The following TNRC6B variants were observed in gnomAD, a reference collection of about 807,000 sequenced individuals.
TNRC6B encodes the protein trinucleotide repeat-containing gene 6B protein.
In TNRC6B, 52 loss-of-function variants were observed where a neutral mutation model predicts 203.6. The observed-to-expected ratio is 0.26, with a 90% CI of 0.20 to 0.32. The LOEUF (loss-of-function observed/expected upper bound fraction) is 0.32, where lower values mean the gene tolerates loss of function less well. Ranked by LOEUF, TNRC6B falls within the 10% of genes least tolerant of loss-of-function variation. The pLI is 1.00. For synonymous variants in TNRC6B, 838 were observed against 845.7 expected (o/e 0.99, Z 0.16); for missense variants, 1,923 against 2,286.2 (o/e 0.84, Z 3.24).
At chr22:40,045,357 C>G (rs1355093099) in intron 1 of TNRC6B, 1 of 147,532 alleles carries the variant, frequency 6.8e-6, no homozygotes, top group Non-Finnish European at 1.5e-5. Context: ...GGCGCGCGCG[C>G]GGCTCCGGGC....
intron 1 of TNRC6B, among the ~76,000 whole-genome samples, chr22:40,244,424 C>G (rs1421207237): frequency 6.6e-6 from 1 of 151,602 alleles, no homozygotes; most frequent in African/African-American, 2.4e-5. Context: ...TGAATGCAGA[C>G]AAAGTCAGTG....
chr22:40,127,171 C>T (rs892589283), intron 3 of TNRC6B, among the ~76,000 whole-genome samples: 2 of 151,948 alleles, frequency 1.3e-5, no homozygotes, highest in Non-Finnish European at 2.9e-5. Context: ...TTTTACTTCC[C>T]TCTCTGTCCA....
chr22:40,073,288 G>GT (rs2058560371), intron 1 of TNRC6B, among the ~76,000 whole-genome samples: 1 of 151,720 alleles, frequency 6.6e-6, no homozygotes, highest in South Asian at 2.1e-4. Flanking sequence ...TATAGAACAC[G>GT]TTTTTTGTTA....
At chr22:40,259,289 A>T (rs2070337348) in intron 3 of TNRC6B, among the ~76,000 whole-genome samples, 1 of 151,810 alleles carries the variant, frequency 6.6e-6, no homozygotes, top group Non-Finnish European at 1.5e-5. Context: ...CAGTGGCACG[A>T]TCTCGGCTCA....
In TNRC6B at chr22:40,213,481, C is replaced by T. The variant is rs573065517; in HGVS notation, c.6-32534C>T. On this transcript the variant is annotated intron_variant, in intron 1 of 22. Transcript: ENST00000454349. ...GGCAGACCGAGGAGATGAGACTTGG[C>T]CCATCCAGTCACGGGAAGCCACTGA... is the stretch of plus-strand genomic sequence containing the variant. Among the ~76,000 whole-genome samples, 11 of 152,256 alleles carry T rather than the reference C, an allele frequency of 7.2e-5. No individual in the cohort carries two copies. In the East Asian group the frequency reaches 9.6e-4, roughly 13 times the overall value.
At position 40,264,708 on chromosome 22, in the gene TNRC6B, G is replaced by A; in HGVS notation, c.478G>A (p.Ala160Thr). Residue 160 changes from alanine to threonine, a missense_variant, in exon 5 of 23, where the codon GCT (alanine) becomes ACT (threonine). Physicochemically the swap from Ala to Thr is moderately conservative, Grantham distance 58 (BLOSUM62 0). Transcript: ENST00000454349. ...TAPDSTLGGA[A>T]ASNYANSTWG... is the part of the protein sequence containing the mutation. The stretch of plus-strand genomic sequence containing the variant: ...CCCAGACTCAACCCTTGGAGGTGCT[G>A]CTGCTTCAAATTATGCAAATTCCAC... 1 of 1,598,200 alleles carries A rather than the reference G, an allele frequency of 6.3e-7. No homozygotes were observed. The highest frequency in any genetic ancestry group is 8.5e-7 in the Non-Finnish European group (1 of 1,170,992).
At chr22:40,188,198 C>A (rs2069228471) in intron 1 of TNRC6B, among the ~76,000 whole-genome samples, 2 of 152,076 alleles carry the variant, frequency 1.3e-5, no homozygotes, top group South Asian at 4.1e-4. Flanking sequence ...GACAGAGCAA[C>A]ACTGTGTCTC....
chr22:40,067,501 C>T (rs2067905563), intron 1 of TNRC6B, among the ~76,000 whole-genome samples: 1 of 152,080 alleles, frequency 6.6e-6, no homozygotes, highest in African/African-American at 2.4e-5. Flanking sequence ...CGAGAAGTCC[C>T]ACAATAGCCC....
Position 40,082,338 on chromosome 22 carries a change from G to A in TNRC6B, c.-120-34717G>A, listed in dbSNP as rs560136288. The stretch of plus-strand genomic sequence containing the variant: ...TAAGTTTAGACTGGAAATTGAGAAG[G>A]AGCCAGCCAGAGGAGAGGGTGTTTC... On this transcript the variant is annotated intron_variant, in intron 1 of 23. Coordinates refer to the TNRC6B transcript ENST00000301923. Among the ~76,000 whole-genome samples the A allele has an allele frequency of 7.2e-5, 11 of 152,296 alleles. No individual in the cohort carries two copies. The South Asian group carries it at 2.1e-3, about 29-fold the overall frequency.
intron 10 of TNRC6B, 92 bp from the exon 11 acceptor site, chr22:40,281,027 T>C: frequency 9.0e-7 from 1 of 1,114,448 alleles, no homozygotes; most frequent in South Asian, 1.7e-5. Flanking sequence ...TAACTTTGTT[T>C]ATTGCTAGTG....
intron 1 of TNRC6B, among the ~76,000 whole-genome samples, chr22:40,194,585 G>A (rs2069313425): frequency 6.6e-6 from 1 of 152,202 alleles, no homozygotes; most frequent in Non-Finnish European, 1.5e-5. Context: ...ATTTCAGGTA[G>A]CAGTGTCCTT....
chr22:40,285,767 C>T lies in TNRC6B; in HGVS notation c.3705C>T (p.Pro1235=), dbSNP rs1482700662. 1.2e-6 allele frequency: 2 copies of T among 1,613,296 alleles called. No homozygotes were observed. Among genetic ancestry groups the T allele is most frequent in the Non-Finnish European group, 1.7e-6 (2 of 1,179,682 alleles). ...AAGTGCCTCCCCAGTTTATTTCCCC[C>T]CAGGTAAGCAATTTTACGTTCCTGT... The part of the protein sequence containing the change: ...RAQVPPQFIS[P]QVSASMLKQF... Residue 1235 remains proline, a synonymous_variant, in exon 12 of 23, where the codon CCC becomes CCT. Transcript: ENST00000454349.
At chr22:40,092,140 C>T (rs781257183) in intron 1 of TNRC6B, among the ~76,000 whole-genome samples, 76 of 152,144 alleles carry the variant, frequency 5.0e-4, no homozygotes, top group Middle Eastern at 3.2e-3. Context: ...TGTTGGCTCA[C>T]GCCTGTAATC....
At chr22:40,101,118 G>A (rs12106521) in intron 1 of TNRC6B, among the ~76,000 whole-genome samples, 32,045 of 151,668 alleles carry the variant, frequency 0.21, 3,569 homozygotes, top group South Asian at 0.3. Flanking sequence ...TCAACCTCCC[G>A]AGTGGCTGGG....
At chr22:40,055,256 A>G (rs2067783723) in intron 1 of TNRC6B, among the ~76,000 whole-genome samples, 1 of 152,196 alleles carries the variant, frequency 6.6e-6, no homozygotes, top group African/African-American at 2.4e-5. Flanking sequence ...AGACAGTACA[A>G]GAGGTGCTGC....
At chr22:40,068,872 A>G (rs577761462) in intron 1 of TNRC6B, among the ~76,000 whole-genome samples, 5 of 152,056 alleles carry the variant, frequency 3.3e-5, no homozygotes, top group Non-Finnish European at 7.4e-5. Flanking sequence ...GGAATGAACC[A>G]TTGCACCTTG....
intron 1 of TNRC6B, among the ~76,000 whole-genome samples, chr22:40,049,977 T>G (rs1436867206): frequency 1.3e-5 from 2 of 152,182 alleles, no homozygotes; most frequent in Non-Finnish European, 2.9e-5. Flanking sequence ...TTAGTTTCTA[T>G]TATCGTTAGT....
chr22:40,154,074 C>G (rs2068787296), intron 3 of TNRC6B, among the ~76,000 whole-genome samples: 2 of 151,760 alleles, frequency 1.3e-5, no homozygotes, highest in Non-Finnish European at 1.5e-5. Context: ...GTCTTGAACT[C>G]CTAGGCTCAA....
chr22:40,277,897 A>G (rs1009523647), intron 8 of TNRC6B, 102 bp from the exon 9 acceptor site: 16 of 822,928 alleles, frequency 1.9e-5, no homozygotes, highest in East Asian at 1.1e-4. Flanking sequence ...AGAACCTTCT[A>G]TGGTGCCAGT....
Sources: gnomAD v4.1 joint callset for allele counts (sites outside exome capture counted in the v4.1 genomes callset) on GRCh38, gnomAD v4.1.1 for gene constraint, MANE v1.5 for transcripts, NCBI Gene and HGNC (gene_info 2026-07-23, HGNC 2026-07-21) for gene names.